Variants in CRTC3 observed in about 807,000 individuals in gnomAD.
CRTC3 encodes the protein CREB-regulated transcription coactivator 3.
A neutral mutation model predicts 74.5 loss-of-function variants in CRTC3; 26 were observed. The ratio of observed to expected loss-of-function variants is 0.35; its 90% confidence interval spans 0.26 to 0.48. CRTC3 has a LOEUF of 0.48. Among genes scored for constraint, CRTC3 ranks in the 20% least tolerant of loss-of-function variants. The pLI is 0.99. For missense variants in CRTC3, 760 were observed against 787.3 expected (o/e 0.97, Z 0.41); for synonymous variants, 377 against 325.8 (o/e 1.16, Z -1.69).
At position 90,625,865 on chromosome 15, in the gene CRTC3, T is replaced by C. The variant is rs1968815329; in HGVS notation, c.839T>C (p.Leu280Pro). 1 of 1,614,114 alleles carries C rather than the reference T, an allele frequency of 6.2e-7. No homozygotes were observed. ...GGGTCATTGCCAGATCTAACCAACCTCCACTACTCGACACCCCTGCCAGCC... is the reference window on the plus strand; with the variant it reads ...GGGTCATTGCCAGATCTAACCAACCCCCACTACTCGACACCCCTGCCAGCC... ...TGGSLPDLTN[L>P]HYSTPLPASL... is the part of the protein sequence containing the mutation. The change falls in exon 10 of 15, where the codon CTC becomes CCC. Residue 280 changes from leucine (L) to proline (P), a missense_variant. By Grantham distance (98) the Leu-to-Pro change is moderately conservative. This residue lies in a region of CRTC3 where 652 missense variants were observed against 635.2 expected (regional missense o/e 1.03). Coordinates refer to ENST00000268184, the MANE Select transcript of CRTC3 (RefSeq NM_022769.5).
chr15:90,605,268 C>T (rs758087793), intron 5 of CRTC3, among the ~76,000 whole-genome samples: 1 of 151,956 alleles, frequency 6.6e-6, no homozygotes, highest in Non-Finnish European at 1.5e-5. Flanking sequence ...AAAAAGAAAC[C>T]CGATGAATGG....
At chr15:90,629,745 A>G (rs74497428) in intron 11 of CRTC3, among the ~76,000 whole-genome samples, 29,921 of 152,052 alleles carry the variant, frequency 0.2, 3,045 homozygotes, top group African/African-American at 0.25. Context: ...TTTTTTTGAG[A>G]AAGGGTCTCA....
intron 11 of CRTC3, among the ~76,000 whole-genome samples, chr15:90,636,715 C>A (rs941220597): frequency 6.8e-6 from 1 of 146,128 alleles, no homozygotes; most frequent in Non-Finnish European, 1.5e-5. Context: ...AAGAAAAAAA[C>A]AAACAACCCC....
At chr15:90,542,436 C>A (rs1490856434) in intron 2 of CRTC3, among the ~76,000 whole-genome samples, 1 of 152,116 alleles carries the variant, frequency 6.6e-6, no homozygotes, top group Non-Finnish European at 1.5e-5. Context: ...ATCTCGTCCT[C>A]CCAAAGTGCT....
chr15:90,591,436 A>C (rs1448130493), intron 2 of CRTC3, among the ~76,000 whole-genome samples: 2 of 152,136 alleles, frequency 1.3e-5, no homozygotes, highest in African/African-American at 4.8e-5. Flanking sequence ...TTTAATAGGA[A>C]GTCTAAAAGA....
At chr15:90,595,058 T>C (rs6416554) in intron 3 of CRTC3, 131,130 of 152,242 alleles carry the variant, frequency 0.86, 56,844 homozygotes, top group African/African-American at 0.93. Flanking sequence ...TTGTATATTA[T>C]GTGGCTGTTA....
At chr15:90,536,799 G>A (rs759866207) in intron 1 of CRTC3, among the ~76,000 whole-genome samples, 7 of 152,208 alleles carry the variant, frequency 4.6e-5, no homozygotes, top group South Asian at 2.1e-4. Flanking sequence ...CTGGGCCATC[G>A]TGAAGGGATA....
chr15:90,549,874 T>C (rs888665917), intron 2 of CRTC3, among the ~76,000 whole-genome samples: 1 of 151,362 alleles, frequency 6.6e-6, no homozygotes, highest in African/African-American at 2.4e-5. Flanking sequence ...GGCTCATTTT[T>C]TGTATTTTTA....
chr15:90,594,801 C>A (rs1967881702), intron 3 of CRTC3: 1 of 152,194 alleles, frequency 6.6e-6, no homozygotes, highest in South Asian at 2.1e-4. Context: ...CCGCTGATGG[C>A]CCAGCCTGTG....
Position 90,644,776 on chromosome 15 carries a change from A to G in CRTC3, c.*2636A>G, listed in dbSNP as rs902810396. On this transcript the variant is annotated 3_prime_UTR_variant, in exon 15 of 15. Coordinates refer to ENST00000268184, the MANE Select transcript of CRTC3 (RefSeq NM_022769.5). ...TCACTGCGGCCTTTGTAACAAAACC[A>G]GTTGTGGTCCTCAGCATTTGAAGCA... 1.3e-5 allele frequency: 3 copies of G among 232,664 alleles called. No homozygotes were observed. In the East Asian group the frequency reaches 1.8e-4, roughly 14 times the overall value. The allele number at this position is 232,664 out of a possible 1,614,324, so 14.4% of individuals were successfully genotyped here.
intron 10 of CRTC3, among the ~76,000 whole-genome samples, chr15:90,628,538 C>T (rs1222101201): frequency 1.3e-5 from 2 of 152,218 alleles, no homozygotes; most frequent in Non-Finnish European, 2.9e-5. Context: ...GGAGCTCATG[C>T]CCTAGCAGCC....
intron 10 of CRTC3, among the ~76,000 whole-genome samples, chr15:90,627,383 G>C (rs562099398): frequency 7.2e-5 from 11 of 152,298 alleles, no homozygotes; most frequent in African/African-American, 2.6e-4. Flanking sequence ...CCCAGATTCA[G>C]AGTCTGGGCA....
At chr15:90,550,103 A>G (rs1432732824) in intron 2 of CRTC3, among the ~76,000 whole-genome samples, 1 of 151,680 alleles carries the variant, frequency 6.6e-6, no homozygotes, top group East Asian at 1.9e-4. Context: ...CTCTTGGCCT[A>G]GGATGACTTA....
intron 2 of CRTC3, among the ~76,000 whole-genome samples, chr15:90,589,316 A>G (rs916313676): frequency 6.7e-6 from 1 of 149,672 alleles, no homozygotes; most frequent in African/African-American, 2.5e-5. Context: ...AGGCCTCCCA[A>G]AGTGCTGGGA....
intron 6 of CRTC3, among the ~76,000 whole-genome samples, chr15:90,613,056 C>T (rs893005020): frequency 5.3e-5 from 8 of 151,762 alleles, no homozygotes; most frequent in African/African-American, 1.5e-4. Flanking sequence ...AAAAATTAGC[C>T]GGGCCTGGTG....
chr15:90,604,128 A>T, intron 4 of CRTC3: 1 of 364,728 alleles, frequency 2.7e-6, no homozygotes, highest in South Asian at 4.0e-5. Context: ...TCATCTGCCC[A>T]GCTAGCTAAT....
At chr15:90,589,301 T>A (rs1967743375) in intron 2 of CRTC3, among the ~76,000 whole-genome samples, 2 of 152,040 alleles carry the variant, frequency 1.3e-5, no homozygotes, top group African/African-American at 4.8e-5. Flanking sequence ...ATGATCCACC[T>A]GCGTAGGCCT....
chr15:90,565,783 TAATC>T (rs377064569), intron 2 of CRTC3, among the ~76,000 whole-genome samples: 170 of 152,346 alleles, frequency 1.1e-3, no homozygotes, highest in African/African-American at 3.9e-3. Flanking sequence ...TTGGTGAACT[TAATC>T]AAGAGAAATG....
At chr15:90,634,913 T>C in intron 11 of CRTC3, 1 of 1,576,472 alleles carries the variant, frequency 6.3e-7, no homozygotes, top group South Asian at 1.1e-5. Context: ...TTCAACCAGT[T>C]AGCGTGAAAG....
Sources: allele counts gnomAD v4.1 joint callset (sites outside exome capture counted in the v4.1 genomes callset), GRCh38; gene constraint gnomAD v4.1.1; regional missense constraint gnomAD v4.1.1; transcripts MANE v1.5; gene names NCBI Gene and HGNC (gene_info 2026-07-23, HGNC 2026-07-21).